Variants in CNTRL observed in about 807,000 individuals in gnomAD.
CNTRL encodes 110 kDa centrosomal protein.
In CNTRL, 233 loss-of-function variants were observed where a neutral mutation model predicts 303.7. That is an observed-to-expected ratio of 0.77 (90% CI 0.69 to 0.86). The LOEUF is 0.86. CNTRL is among the 40% of genes least tolerant of loss of function. The pLI is 0.00. For missense variants in CNTRL, 2,524 were observed against 2,650.6 expected (o/e 0.95, Z 1.05); for synonymous variants, 900 against 922.2 (o/e 0.98, Z 0.44).
chr9:121,138,411 G>T (rs546115601), intron 15 of CNTRL, 134 bp from the exon 16 acceptor site: 48 of 869,666 alleles, frequency 5.5e-5, no homozygotes, highest in Admixed American at 8.8e-5. Flanking sequence ...AAATTTGGGA[G>T]TACAAACATA....
chr9:121,140,869 C>A, intron 17 of CNTRL, 83 bp downstream of exon 17: 1 of 1,353,964 alleles, frequency 7.4e-7, no homozygotes, highest in Non-Finnish European at 9.9e-7. Context: ...GATAAACTCA[C>A]CTTTCTAAGT....
intron 39 of CNTRL, among the ~76,000 whole-genome samples, chr9:121,170,908 A>G (rs77815895): frequency 6.6e-6 from 1 of 152,194 alleles, no homozygotes; most frequent in Non-Finnish European, 1.5e-5. Flanking sequence ...TCAGGTCAGA[A>G]TAATTTATGG....
intron 9 of CNTRL, among the ~76,000 whole-genome samples, chr9:121,112,809 A>T (rs2049806007): frequency 6.6e-6 from 1 of 152,204 alleles, no homozygotes; most frequent in South Asian, 2.1e-4. Flanking sequence ...CCATAGCCAT[A>T]TCCATTACCA....
At chr9:121,148,984 T>G in intron 24 of CNTRL, 123 bp downstream of exon 24, 1 of 877,024 alleles carries the variant, frequency 1.1e-6, no homozygotes, top group Non-Finnish European at 1.7e-6. Context: ...TCTTCTGTGA[T>G]CTGGTCTTGG....
chr9:121,176,718 T>C (rs1044892654), intron 43 of CNTRL, among the ~76,000 whole-genome samples: 1 of 152,182 alleles, frequency 6.6e-6, no homozygotes, highest in Non-Finnish European at 1.5e-5. Flanking sequence ...AATCCAGGCC[T>C]ATATGGGATA....
At chr9:121,087,377 G>C (rs1388387477) in intron 2 of CNTRL, among the ~76,000 whole-genome samples, 1 of 152,136 alleles carries the variant, frequency 6.6e-6, no homozygotes, top group Non-Finnish European at 1.5e-5. Context: ...GGAGCTCAGA[G>C]AAAGATTGGA....
intron 12 of CNTRL, 46 bp downstream of exon 12, chr9:121,118,586 T>G: frequency 7.1e-7 from 1 of 1,416,016 alleles, no homozygotes; most frequent in Non-Finnish European, 9.5e-7. Flanking sequence ...ACATATTACA[T>G]GTCTCATCAT....
rs531368559 is a variant in CNTRL, at chr9:121,086,857, T to G, written c.-31-1439T>G. On this transcript the variant is annotated intron_variant, in intron 2 of 43. Coordinates refer to ENST00000373855, the MANE Select transcript of CNTRL (RefSeq NM_007018.6). ...TAGTAGAGACGGGGTTTTGCCATGTTGGCCAGGCTGGTCTCAAACTCCTGA... is the reference window on the plus strand; with the variant it reads ...TAGTAGAGACGGGGTTTTGCCATGTGGGCCAGGCTGGTCTCAAACTCCTGA... 2.0e-5 allele frequency among the ~76,000 whole-genome samples: 3 copies of G among 152,148 alleles called. No homozygotes were observed. The East Asian group carries it at 5.8e-4, about 29-fold the overall frequency.
chr9:121,088,640 G>C (rs2048441012), intron 3 of CNTRL, 97 bp downstream of exon 3: 1 of 681,986 alleles, frequency 1.5e-6, no homozygotes, highest in African/African-American at 1.8e-5. Context: ...TAACATTCTG[G>C]TACTAATTTG....
In CNTRL at chr9:121,150,347, T is replaced by C; in HGVS notation, c.3827T>C (p.Leu1276Pro). 6.2e-7 allele frequency: 1 copy of C among 1,614,170 alleles called. No individual in the cohort carries two copies. Among genetic ancestry groups the C allele is most frequent in the African/African-American group, 1.3e-5 (1 of 75,040 alleles). Residue 1276 changes from leucine to proline, a missense_variant, in exon 25 of 44, where the codon CTC (leucine) becomes CCC (proline). By Grantham distance (98) the Leu-to-Pro change is moderately conservative (BLOSUM62 -3). Coordinates refer to ENST00000373855, the MANE Select transcript of CNTRL (RefSeq NM_007018.6). ...CCCTTGCCAAACAATAGCCGACCTCTCACCCCTGGCACTGTTGTTTATGGC... is the reference window on the plus strand; with the variant it reads ...CCCTTGCCAAACAATAGCCGACCTCCCACCCCTGGCACTGTTGTTTATGGC... ...PPPLPNNSRP[L>P]TPGTVVYGPP...
At chr9:121,083,130 G>A (rs2048210942) in intron 2 of CNTRL, among the ~76,000 whole-genome samples, 2 of 151,962 alleles carry the variant, frequency 1.3e-5, no homozygotes, top group East Asian at 1.9e-4. Context: ...AGGACATTAC[G>A]GTACACTACT....
chr9:121,106,890 G>T (rs557923059), intron 7 of CNTRL, among the ~76,000 whole-genome samples: 1 of 152,224 alleles, frequency 6.6e-6, no homozygotes, highest in East Asian at 1.9e-4. Context: ...GGGTGAAATG[G>T]TTAGACTACT....
intron 10 of CNTRL, 93 bp downstream of exon 10, chr9:121,113,817 T>C (rs924304611): frequency 1.4e-6 from 1 of 724,498 alleles, no homozygotes; most frequent in Non-Finnish European, 2.0e-6. Context: ...TAATTGAACA[T>C]GTTGATGGTA....
chr9:121,077,096 A>G (rs1045345046), intron 1 of CNTRL, among the ~76,000 whole-genome samples: 1 of 152,112 alleles, frequency 6.6e-6, no homozygotes, highest in East Asian at 1.9e-4. Flanking sequence ...CAGAGCAACT[A>G]TCTGGGTTTA....
rs908023994 is a variant in CNTRL at position 121,100,937 on chromosome 9, T to A, written c.808+2365T>A. Among the ~76,000 whole-genome samples, 7 of 152,290 alleles carry A rather than the reference T, an allele frequency of 4.6e-5. No individual in the cohort carries two copies. The South Asian group carries it at 1.5e-3, about 32-fold the overall frequency. On this transcript the variant is annotated intron_variant, in intron 7 of 43. Coordinates refer to ENST00000373855, the MANE Select transcript of CNTRL (RefSeq NM_007018.6). ...AGTCCTTAGAGACCTACAAAGAGAC[T>A]TAGACTCCCACACAATAATAATGGG... is the stretch of plus-strand genomic sequence containing the variant.
At chr9:121,111,425 C>G (rs1195669921) in intron 8 of CNTRL, among the ~76,000 whole-genome samples, 2 of 152,126 alleles carry the variant, frequency 1.3e-5, no homozygotes, top group African/African-American at 4.8e-5. Flanking sequence ...GCTATTACTT[C>G]CATTTTGATG....
At chr9:121,095,806 G>T (rs1178072841) in intron 5 of CNTRL, among the ~76,000 whole-genome samples, 4 of 151,204 alleles carry the variant, frequency 2.6e-5, no homozygotes, top group Non-Finnish European at 4.4e-5. Flanking sequence ...GTAGATAGAG[G>T]CTTTGAAGTA....
In CNTRL at chr9:121,135,812, G is replaced by T. The variant is rs1174423070; in HGVS notation, c.2032G>T (p.Ala678Ser). The T allele has an allele frequency of 6.2e-7, 1 of 1,609,598 alleles. No homozygotes were observed. ...MDAENMRKEL[A>S]ELESALQEQH... ...ACCCACTGAATCTTTCTAGGAGCTT[G>T]CAGAGCTAGAAAGTGCCCTCCAAGA... The change falls in exon 15 of 44, where the codon GCA becomes TCA. Residue 678 changes from alanine to serine, a missense_variant. Transcript: ENST00000373855.
At chr9:121,152,908 T>C (rs1408353006) in intron 26 of CNTRL, among the ~76,000 whole-genome samples, 2 of 152,184 alleles carry the variant, frequency 1.3e-5, no homozygotes, top group African/African-American at 2.4e-5. Context: ...TTGAGTACCA[T>C]ATTGAGCAAT....
Sources: gnomAD v4.1 joint callset for allele counts (sites outside exome capture counted in the v4.1 genomes callset) on GRCh38, gnomAD v4.1.1 for gene constraint, MANE v1.5 for transcripts, NCBI Gene and HGNC (gene_info 2026-07-23, HGNC 2026-07-21) for gene names.